The following ACTR3 variants were observed in gnomAD, a reference collection of about 807,000 sequenced individuals.
ACTR3 encodes the protein actin-related protein 3.
A neutral mutation model predicts 56.8 loss-of-function variants in ACTR3; 12 were observed. The ratio of observed to expected loss-of-function variants is 0.21; its 90% confidence interval spans 0.14 to 0.34. The LOEUF (loss-of-function observed/expected upper bound fraction) is 0.34, where lower values mean the gene tolerates loss of function less well. Ranked by LOEUF, ACTR3 falls within the 10% of genes least tolerant of loss-of-function variation. The pLI is 1.00. For synonymous variants in ACTR3, 162 were observed against 167.4 expected (o/e 0.97, Z 0.25); for missense variants, 282 against 512.5 (o/e 0.55, Z 4.34).
intron 1 of ACTR3, among the ~76,000 whole-genome samples, chr2:113,908,046 A>G (rs1311992936): frequency 1.3e-5 from 2 of 151,424 alleles, no homozygotes; most frequent in East Asian, 3.9e-4. Context: ...GAAGAACATC[A>G]TTATTCTTTA....
intron 6 of ACTR3, among the ~76,000 whole-genome samples, chr2:113,935,564 T>C (rs12711791): frequency 0.12 from 18,646 of 152,240 alleles, 1,829 homozygotes; most frequent in African/African-American, 0.27. Flanking sequence ...CCAAATAATA[T>C]TTCATTATGT....
In ACTR3 at chr2:113,909,623, T is replaced by TG. The variant is rs1279664463; in HGVS notation, c.45-3549_45-3548insG. On this transcript the variant is annotated intron_variant, in intron 1 of 11. Transcript: ENST00000263238. ...AAAGTTTTTTTGTTGTTGTTGTTGT[T>TG]TTTTTTTTTTTGGGAGGGTGCAGTG... Among the ~76,000 whole-genome samples, 98 of 148,146 alleles carry TG rather than the reference T, an allele frequency of 6.6e-4. 1 individual carries two copies. The highest frequency in any genetic ancestry group is 2.2e-3 in the African/African-American group (91 of 40,750).
chr2:113,919,605 A>G lies in ACTR3; in HGVS notation c.225+2597A>G, dbSNP rs1679468771. On this transcript the variant is annotated intron_variant, in intron 3 of 11. Coordinates refer to ENST00000263238, the MANE Select transcript of ACTR3 (RefSeq NM_005721.5). Reference sequence around the variant, plus strand: ...TTTGACAAGGAAAAAGTGGATAATTAAAGAGTAACAGGGCGTGATGAATGG... The same window carrying G: ...TTTGACAAGGAAAAAGTGGATAATTGAAGAGTAACAGGGCGTGATGAATGG... Among the ~76,000 whole-genome samples the G allele has an allele frequency of 1.3e-5, 2 of 152,196 alleles. 1 individual carries two copies. Among genetic ancestry groups the G allele is most frequent in the South Asian group, 4.1e-4 (2 of 4,826 alleles).
Position 113,890,273 on chromosome 2 carries a change from G to A in ACTR3, c.-7G>A, listed in dbSNP as rs1455147604. 5.8e-6 allele frequency: 9 copies of A among 1,551,260 alleles called. No homozygotes were observed. Among genetic ancestry groups the A allele is most frequent in the Non-Finnish European group, 4.4e-6 (5 of 1,146,888 alleles). On this transcript the variant is annotated 5_prime_UTR_variant, in exon 1 of 12. Transcript: ENST00000263238. ...GGCGGCAGCAGCAGCAGCAGGCGAGGAGGAAGATGGCGGGACGGCTGCCGG... is the reference window on the plus strand; with the variant it reads ...GGCGGCAGCAGCAGCAGCAGGCGAGAAGGAAGATGGCGGGACGGCTGCCGG...
intron 1 of ACTR3, among the ~76,000 whole-genome samples, chr2:113,908,043 A>G (rs1177982649): frequency 6.6e-6 from 1 of 151,794 alleles, no homozygotes; most frequent in Admixed American, 6.6e-5. Context: ...CCTGAAGAAC[A>G]TCATTATTCT....
chr2:113,889,976 G>C (rs1194915156), upstream of ACTR3: 10 of 531,570 alleles, frequency 1.9e-5, no homozygotes, highest in Middle Eastern at 9.5e-4. Context: ...GCTTCCCGGG[G>C]AAAGGCGGCG....
intron 11 of ACTR3, among the ~76,000 whole-genome samples, chr2:113,955,912 T>A (rs1680203066): frequency 6.6e-6 from 1 of 152,066 alleles, no homozygotes; most frequent in African/African-American, 2.4e-5. Context: ...CACACCTGGC[T>A]AATTTTGCAT....
chr2:113,898,760 G>A (rs995290205), intron 1 of ACTR3, among the ~76,000 whole-genome samples: 6 of 152,080 alleles, frequency 3.9e-5, no homozygotes, highest in African/African-American at 1.4e-4. Flanking sequence ...TATATCTTTG[G>A]ATTTTAATTA....
intron 3 of ACTR3, among the ~76,000 whole-genome samples, chr2:113,924,270 T>G (rs1364926236): frequency 6.6e-6 from 1 of 150,598 alleles, no homozygotes; most frequent in African/African-American, 2.4e-5. Context: ...AGAGACAGGG[T>G]CTCACTACGT....
intron 1 of ACTR3, among the ~76,000 whole-genome samples, chr2:113,912,921 TTGATTGTGTATTATTTCAC>T (rs1326842457): frequency 8.4e-5 from 9 of 107,248 alleles, no homozygotes; most frequent in African/African-American, 6.0e-4. Flanking sequence ...GCTAATGACC[TTGATTGTGTATTATTTCAC>T]ATATATTCCT....
chr2:113,921,279 A>G (rs1215972665), intron 3 of ACTR3, among the ~76,000 whole-genome samples: 1 of 147,694 alleles, frequency 6.8e-6, no homozygotes, highest in African/African-American at 2.5e-5. Context: ...CTTTTGAGAA[A>G]TGTCTATTTA....
chr2:113,925,125 G>C (rs1195233663), intron 3 of ACTR3, among the ~76,000 whole-genome samples: 3 of 150,892 alleles, frequency 2.0e-5, no homozygotes, highest in South Asian at 2.1e-4. Flanking sequence ...TTGAACTCCT[G>C]ACCTCAAATG....
At chr2:113,903,422 AG>A (rs1354081862) in intron 1 of ACTR3, among the ~76,000 whole-genome samples, 1 of 152,110 alleles carries the variant, frequency 6.6e-6, no homozygotes, top group Non-Finnish European at 1.5e-5. Flanking sequence ...GCTGGAGTGC[AG>A]TGGCGCAGCC....
At chr2:113,918,467 T>A (rs1486172722) in intron 3 of ACTR3, among the ~76,000 whole-genome samples, 1 of 151,658 alleles carries the variant, frequency 6.6e-6, no homozygotes, top group Admixed American at 6.6e-5. Flanking sequence ...CACTGCAGCC[T>A]TGAATATCCC....
intron 8 of ACTR3, among the ~76,000 whole-genome samples, chr2:113,950,662 A>G (rs915529700): frequency 6.6e-6 from 1 of 152,212 alleles, no homozygotes; most frequent in Admixed American, 6.5e-5. Flanking sequence ...AAACAAGGCT[A>G]TAGTAAATAT....
chr2:113,923,215 A>C (rs1037414956), intron 3 of ACTR3, among the ~76,000 whole-genome samples: 12 of 152,080 alleles, frequency 7.9e-5, no homozygotes, highest in African/African-American at 2.7e-4. Flanking sequence ...AAGATATTTG[A>C]TATGCTCTTT....
intron 6 of ACTR3, 102 bp downstream of exon 6, chr2:113,934,488 AC>A (rs1285660620): frequency 2.6e-6 from 2 of 760,320 alleles, no homozygotes; most frequent in African/African-American, 3.6e-5. Context: ...TAAATGCTGC[AC>A]TATAATTTGG....
At chr2:113,934,082 T>C (rs1679775941) in intron 5 of ACTR3, 197 bp from the exon 6 acceptor site, 1 of 527,070 alleles carries the variant, frequency 1.9e-6, no homozygotes, top group South Asian at 2.3e-5. Flanking sequence ...CCTCTAAGTT[T>C]GTCTTAATAA....
chr2:113,941,511 G>C (rs1016559032), intron 7 of ACTR3, among the ~76,000 whole-genome samples: 1 of 151,894 alleles, frequency 6.6e-6, no homozygotes, highest in Non-Finnish European at 1.5e-5. Context: ...TATCTTGGAT[G>C]GTGCCTGTGA....
Sources: allele counts gnomAD v4.1 joint callset (sites outside exome capture counted in the v4.1 genomes callset), GRCh38; gene constraint gnomAD v4.1.1; transcripts MANE v1.5; gene names NCBI Gene and HGNC (gene_info 2026-07-23, HGNC 2026-07-21).